FSD1L: variants seen among roughly 807,000 people sequenced by gnomAD.
FSD1L encodes the protein FSD1-like protein.
FSD1L carries 45 observed loss-of-function variants against 71.6 expected under a neutral mutation model. The observed-to-expected ratio is 0.63, with a 90% CI of 0.49 to 0.81. The LOEUF (loss-of-function observed/expected upper bound fraction) is 0.81. Ranked by LOEUF, FSD1L falls within the 30% of genes least tolerant of loss-of-function variation. FSD1L has a pLI of 0.00. For missense variants in FSD1L, 561 were observed against 618.1 expected, an observed-to-expected ratio of 0.91 and a Z score of 0.98; for synonymous variants, 197 against 207.2, an observed-to-expected ratio of 0.95 and a Z score of 0.42.
At chr9:105,469,963 T>C (rs1416332413) in intron 4 of FSD1L, among the ~76,000 whole-genome samples, 1 of 152,182 alleles carries the variant, frequency 6.6e-6, no homozygotes, top group African/African-American at 2.4e-5. Flanking sequence ...GGACCTACTT[T>C]ATTTTTTTGC....
chr9:105,456,551 A>T (rs1380936414), intron 1 of FSD1L, among the ~76,000 whole-genome samples: 1 of 152,230 alleles, frequency 6.6e-6, no homozygotes, highest in African/African-American at 2.4e-5. Flanking sequence ...TGTACATCTT[A>T]GATTACTTTG....
At chr9:105,458,165 C>G (rs559999714) in intron 1 of FSD1L, among the ~76,000 whole-genome samples, 2 of 152,156 alleles carry the variant, frequency 1.3e-5, no homozygotes, top group African/African-American at 4.8e-5. Flanking sequence ...GTGGGGCAGC[C>G]GCCTGATGCT....
chr9:105,541,974 G>A (rs763806832), intron 13 of FSD1L, among the ~76,000 whole-genome samples: 6 of 152,108 alleles, frequency 3.9e-5, no homozygotes, highest in Non-Finnish European at 8.8e-5. Context: ...TCATTGCTGA[G>A]TAGTGTTTCA....
intron 13 of FSD1L, among the ~76,000 whole-genome samples, chr9:105,539,962 T>A (rs568846234): frequency 4.5e-4 from 68 of 152,290 alleles, no homozygotes; most frequent in Non-Finnish European, 8.1e-4. Flanking sequence ...CTTTTGTTCA[T>A]ATCTTTTGAT....
intron 10 of FSD1L, among the ~76,000 whole-genome samples, chr9:105,534,177 T>C (rs1836111613): frequency 6.6e-6 from 1 of 152,228 alleles, no homozygotes; most frequent in Non-Finnish European, 1.5e-5. Flanking sequence ...TTTCTTGAGT[T>C]CTTTTTTTTC....
intron 10 of FSD1L, among the ~76,000 whole-genome samples, chr9:105,533,414 A>ATTTTTTTTTTTTTTTTTT (rs1271918066): frequency 1.2e-3 from 16 of 13,376 alleles, no homozygotes; most frequent in Admixed American, 4.7e-3. Context: ...TGCCATTTCC[A>ATTTTTTTTTTTTTTTTTT]TCTTTTTTTT....
intron 13 of FSD1L, among the ~76,000 whole-genome samples, chr9:105,542,328 T>A (rs1836679669): frequency 1.3e-5 from 2 of 152,262 alleles, no homozygotes; most frequent in African/African-American, 4.8e-5. Context: ...GTCATTGTGT[T>A]TTTATTTGTA....
intron 10 of FSD1L, chr9:105,521,046 C>A: frequency 1.2e-6 from 2 of 1,612,954 alleles, no homozygotes; most frequent in Non-Finnish European, 1.7e-6. Context: ...TTTATATCAT[C>A]CTATACTTGA....
intron 5 of FSD1L, among the ~76,000 whole-genome samples, chr9:105,474,076 G>A (rs1164435223): frequency 6.6e-6 from 1 of 152,132 alleles, no homozygotes; most frequent in Non-Finnish European, 1.5e-5. Flanking sequence ...TCTAAGAAAT[G>A]TATCATTAGG....
chr9:105,470,662 A>G (rs931143117), intron 4 of FSD1L, among the ~76,000 whole-genome samples: 1 of 152,148 alleles, frequency 6.6e-6, no homozygotes, highest in African/African-American at 2.4e-5. Context: ...TATCTTACAT[A>G]CACACCATAA....
chr9:105,489,700 A>G (rs140859969), intron 7 of FSD1L, among the ~76,000 whole-genome samples: 2 of 151,708 alleles, frequency 1.3e-5, no homozygotes, highest in South Asian at 2.1e-4. Flanking sequence ...GTTCCCCTTC[A>G]TGTGTCCATG....
At chr9:105,525,807 T>A in intron 10 of FSD1L, 1 of 1,607,622 alleles carries the variant, frequency 6.2e-7, no homozygotes, top group South Asian at 1.1e-5. Flanking sequence ...ACCATTGTGG[T>A]TTTATGGGAG....
At chr9:105,495,496 C>A (rs950371172) in intron 7 of FSD1L, among the ~76,000 whole-genome samples, 2 of 152,164 alleles carry the variant, frequency 1.3e-5, no homozygotes, top group Non-Finnish European at 2.9e-5. Flanking sequence ...GTGCAGGGTG[C>A]GCTGCACCCA....
chr9:105,536,728 C>T (rs1441032125), intron 12 of FSD1L, among the ~76,000 whole-genome samples: 1 of 152,078 alleles, frequency 6.6e-6, no homozygotes, highest in Non-Finnish European at 1.5e-5. Context: ...CTCTGCCTCC[C>T]ATGTTCAAGC....
At chr9:105,485,287 G>T (rs1168478092) in intron 7 of FSD1L, among the ~76,000 whole-genome samples, 1 of 152,174 alleles carries the variant, frequency 6.6e-6, no homozygotes, top group African/African-American at 2.4e-5. Context: ...GTCAAAACAT[G>T]ATGGAGCATA....
chr9:105,521,998 T>C, intron 10 of FSD1L: 2 of 1,613,196 alleles, frequency 1.2e-6, no homozygotes, highest in Non-Finnish European at 1.7e-6. Context: ...TGGGAACACA[T>C]GCTGCTTGTG....
At chr9:105,496,158 T>A (rs1833385089) in intron 7 of FSD1L, among the ~76,000 whole-genome samples, 1 of 151,774 alleles carries the variant, frequency 6.6e-6, no homozygotes, top group Non-Finnish European at 1.5e-5. Context: ...TCCTTTGATC[T>A]ATTTGTCTCT....
At chr9:105,499,251 G>T (rs1833619761) in intron 7 of FSD1L, among the ~76,000 whole-genome samples, 1 of 152,146 alleles carries the variant, frequency 6.6e-6, no homozygotes, top group Non-Finnish European at 1.5e-5. Context: ...CACTTATGCA[G>T]CAGTATGTGT....
chr9:105,523,693 A>T, intron 10 of FSD1L: 4 of 1,597,874 alleles, frequency 2.5e-6, no homozygotes, highest in Non-Finnish European at 1.7e-6. Flanking sequence ...GGTAAATTAC[A>T]TGCATATAAA....
Sources: allele counts gnomAD v4.1 joint callset (sites outside exome capture counted in the v4.1 genomes callset), GRCh38; gene constraint gnomAD v4.1.1; transcripts MANE v1.5; gene names NCBI Gene and HGNC (gene_info 2026-07-23, HGNC 2026-07-21).